Variants in GUCY1A2 observed in about 807,000 individuals in gnomAD.
The protein encoded by GUCY1A2 is guanylate cyclase soluble subunit alpha-2.
A neutral mutation model predicts 63.5 loss-of-function variants in GUCY1A2; 27 were observed. The ratio of observed to expected loss-of-function variants is 0.43; its 90% CI spans 0.31 to 0.59. GUCY1A2 has a LOEUF of 0.59. Among genes scored for constraint, GUCY1A2 ranks in the 20% least tolerant of loss-of-function variants. The probability of loss-of-function intolerance (pLI) is 0.11; values close to 1 mark genes in which losing one functional copy is unlikely to be tolerated. For synonymous variants in GUCY1A2, 364 were observed against 343.5 expected (o/e 1.06, Z -0.66); for missense variants, 768 against 913.3 (o/e 0.84, Z 2.05).
At chr11:106,768,956 T>C (rs1038865063) in intron 6 of GUCY1A2, among the ~76,000 whole-genome samples, 5 of 152,018 alleles carry the variant, frequency 3.3e-5, no homozygotes, top group African/African-American at 9.7e-5. Context: ...TACCAAAACA[T>C]AGAGGTGAAC....
rs957263665 is a variant in GUCY1A2, at chr11:106,674,740, T to C, written c.*12809A>G. 4.9e-6 allele frequency: 1 copy of C among 204,236 alleles called. No homozygotes were observed. Among genetic ancestry groups the C allele is most frequent in the African/African-American group, 2.3e-5 (1 of 43,752 alleles). 12.7% of individuals were successfully genotyped at this position (204,236 alleles called of 1,614,324 possible). A position where few individuals can be genotyped will look rare whatever the true frequency, so the allele number is the denominator to read the frequency against. ...ATAACAAAGGAGCAGATATACAATA[T>C]GATTTACATTGCAAACCAAACCAAA... On this transcript the variant is annotated 3_prime_UTR_variant, in exon 8 of 8. Transcript: ENST00000526355.
At chr11:106,823,467 T>C (rs1858928851) in intron 4 of GUCY1A2, among the ~76,000 whole-genome samples, 1 of 152,200 alleles carries the variant, frequency 6.6e-6, no homozygotes, top group African/African-American at 2.4e-5. Context: ...GGCATGCATA[T>C]ACCACATTTT....
chr11:106,907,853 C>T (rs1227590689), intron 4 of GUCY1A2, among the ~76,000 whole-genome samples: 1 of 151,908 alleles, frequency 6.6e-6, no homozygotes, highest in Non-Finnish European at 1.5e-5. Flanking sequence ...GTGAATAGTG[C>T]CGCAATAAAC....
At chr11:106,794,395 A>C (rs986869405) in intron 5 of GUCY1A2, among the ~76,000 whole-genome samples, 2 of 152,204 alleles carry the variant, frequency 1.3e-5, no homozygotes, top group African/African-American at 4.8e-5. Flanking sequence ...TCAGTTATAA[A>C]GACTACATTC....
intron 6 of GUCY1A2, among the ~76,000 whole-genome samples, chr11:106,730,059 A>AAT (rs60486225): frequency 0.052 from 5,314 of 102,970 alleles, 143 homozygotes; most frequent in African/African-American, 0.056. Context: ...ATCAGCATGG[A>AAT]ATATATATAT....
intron 2 of GUCY1A2, among the ~76,000 whole-genome samples, chr11:106,980,212 G>A (rs1395037772): frequency 1.3e-5 from 2 of 152,194 alleles, no homozygotes; most frequent in Non-Finnish European, 2.9e-5. Context: ...ATGGGTTAGG[G>A]AAGAGAGAGG....
intron 5 of GUCY1A2, among the ~76,000 whole-genome samples, chr11:106,782,527 G>T (rs1186491221): frequency 6.6e-6 from 1 of 152,130 alleles, no homozygotes; most frequent in African/African-American, 2.4e-5. Flanking sequence ...TTCTTAGAAA[G>T]GATGCCATAT....
rs982361057 is a variant in GUCY1A2, at chr11:106,826,776, C to T, written c.1207-16298G>A. On this transcript the variant is annotated intron_variant, in intron 4 of 7. Transcript: ENST00000526355. The stretch of plus-strand genomic sequence containing the variant: ...TCTGTCTAGCCTGGGTCCACAGCCT[C>T]ATCTGCTGCCAGACTGGGCTCAGCT... The T allele has an allele frequency of 1.7e-5, 28 of 1,611,088 alleles. No individual in the cohort carries two copies. The Admixed American group carries it at 4.5e-4, about 26-fold the overall frequency.
rs1862527130 is a variant in GUCY1A2 at position 106,686,411 on chromosome 11, TAC to T, written c.*1136_*1137del. The T allele has an allele frequency of 9.1e-6, 2 of 218,830 alleles. No homozygotes were observed. The highest frequency in any genetic ancestry group is 1.2e-4 in the Admixed American group (2 of 17,288). The allele number at this position is 218,830 out of a possible 1,614,324, so 13.6% of individuals were successfully genotyped here. On this transcript the variant is annotated 3_prime_UTR_variant, in exon 8 of 8. Coordinates refer to ENST00000526355, the MANE Select transcript of GUCY1A2 (RefSeq NM_000855.3). ...TTTTTAAAACCTCAAAGCCATAAAA[TAC>T]AGAGGTTTCCTTGCTTTGTGTTGTA...
At chr11:106,916,285 A>G (rs10890623) in intron 4 of GUCY1A2, among the ~76,000 whole-genome samples, 110,797 of 144,078 alleles carry the variant, frequency 0.77, 46,162 homozygotes, top group East Asian at 0.99. Flanking sequence ...AGATTTATTT[A>G]GCAAAAATCC....
intron 4 of GUCY1A2, among the ~76,000 whole-genome samples, chr11:106,889,975 T>C (rs1193001845): frequency 6.6e-6 from 1 of 152,170 alleles, no homozygotes; most frequent in Non-Finnish European, 1.5e-5. Flanking sequence ...AATTAATAAA[T>C]CTCTTAACCT....
intron 6 of GUCY1A2, among the ~76,000 whole-genome samples, chr11:106,756,715 T>C (rs1863980435): frequency 6.6e-6 from 1 of 152,238 alleles, no homozygotes. Context: ...CCGAGAGATC[T>C]GCTGTTAGTC....
At chr11:106,944,299 A>T (rs976434760) in intron 3 of GUCY1A2, among the ~76,000 whole-genome samples, 3 of 91,548 alleles carry the variant, frequency 3.3e-5, no homozygotes, top group African/African-American at 1.1e-4. Flanking sequence ...ACAAAAAAAG[A>T]GCCAGGCATA....
chr11:106,740,335 G>T (rs1863672068), intron 6 of GUCY1A2, among the ~76,000 whole-genome samples: 1 of 151,956 alleles, frequency 6.6e-6, no homozygotes, highest in African/African-American at 2.4e-5. Context: ...GTGGGAGTAG[G>T]TAAGGAAGTA....
intron 6 of GUCY1A2, among the ~76,000 whole-genome samples, chr11:106,771,009 A>C (rs1864246331): frequency 6.6e-6 from 1 of 152,018 alleles, no homozygotes; most frequent in Admixed American, 6.6e-5. Flanking sequence ...GAACTAATGA[A>C]GAAAATTTGA....
intron 4 of GUCY1A2, among the ~76,000 whole-genome samples, chr11:106,818,459 C>T (rs1858859688): frequency 1.3e-5 from 2 of 152,034 alleles, no homozygotes; most frequent in South Asian, 4.1e-4. Flanking sequence ...TTCTGAGTGC[C>T]CCACCAACGA....
chr11:106,691,409 CA>C (rs1458139145), intron 7 of GUCY1A2, among the ~76,000 whole-genome samples: 2 of 152,132 alleles, frequency 1.3e-5, no homozygotes, highest in African/African-American at 4.8e-5. Context: ...CCTTAAAGCC[CA>C]TAATCAACAA....
chr11:106,697,381 T>C (rs1217275215), intron 7 of GUCY1A2, among the ~76,000 whole-genome samples: 2 of 152,234 alleles, frequency 1.3e-5, no homozygotes, highest in Admixed American at 1.3e-4. Context: ...TAAGGCCCAG[T>C]TAAGACTGGT....
At position 106,677,747 on chromosome 11, in the gene GUCY1A2, T is replaced by G; in HGVS notation, c.*9802A>C. 1 of 210,538 alleles carries G rather than the reference T, an allele frequency of 4.7e-6. No homozygotes were observed. The highest frequency in any genetic ancestry group is 9.7e-6 in the Non-Finnish European group (1 of 103,548). 13.0% of individuals were successfully genotyped at this position (210,538 alleles called of 1,614,324 possible). On this transcript the variant is annotated 3_prime_UTR_variant, in exon 8 of 8. Transcript: ENST00000526355. ...ACAGGATTAGACAACAGACCTAATT[T>G]TGATGTAAGCAAAGTCTGATTTTTG...
Sources: allele counts gnomAD v4.1 joint callset (sites outside exome capture counted in the v4.1 genomes callset), GRCh38; gene constraint gnomAD v4.1.1; transcripts MANE v1.5; gene names NCBI Gene and HGNC (gene_info 2026-07-23, HGNC 2026-07-21).